Variants in RAP2B observed in about 807,000 individuals in gnomAD.
The protein encoded by RAP2B is RAP2B, member of RAS oncogene family, also known as ras-related protein Rap-2b.
A neutral mutation model predicts 14.4 loss-of-function variants in RAP2B; 6 were observed. The ratio of observed to expected loss-of-function variants is 0.42; its 90% CI spans 0.23 to 0.82. The LOEUF (loss-of-function observed/expected upper bound fraction) is 0.82, where lower values mean the gene tolerates loss of function less well. Among genes scored for constraint, RAP2B ranks in the 40% least tolerant of loss-of-function variants. The pLI is 0.30. For missense variants in RAP2B, 137 were observed against 248.2 expected (o/e 0.55, Z 3.01); for synonymous variants, 118 against 113.2 (o/e 1.04, Z -0.27).
rs1471454257 is a variant in RAP2B at position 153,166,882 on chromosome 3, TGGGTCATATTCTAGTATTTCTCACAG to T, written c.*3641_*3666del. On this transcript the variant is annotated 3_prime_UTR_variant, in exon 1 of 1. Coordinates refer to ENST00000323534, the MANE Select transcript of RAP2B (RefSeq NM_002886.4). Reference sequence around the variant, plus strand: ...GTAGTTTTGTTATTGTACCCTCTTTTGGGTCATATTCTAGTATTTCTCACAGGGGGTATGAGAAACAGAAAGCTATA... The same window carrying T: ...GTAGTTTTGTTATTGTACCCTCTTTTGGGGTATGAGAAACAGAAAGCTATA... 6.0e-6 allele frequency: 1 copy of T among 166,992 alleles called. No individual in the cohort carries two copies. Among genetic ancestry groups the T allele is most frequent in the African/African-American group, 2.4e-5 (1 of 41,464 alleles). 10.3% of individuals were successfully genotyped at this position (166,992 alleles called of 1,614,324 possible).
rs754258218 is a variant in RAP2B, at chr3:153,163,134, C to T, written c.441C>T (p.Ala147=). The T allele has an allele frequency of 2.5e-6, 4 of 1,613,182 alleles. No homozygotes were observed. The highest frequency in any genetic ancestry group is 3.4e-6 in the Non-Finnish European group (4 of 1,179,908). ...GCTGCCCCTTCATGGAGACGTCGGCCAAAAACAAAGCCTCGGTAGACGAGC... is the reference window on the plus strand; with the variant it reads ...GCTGCCCCTTCATGGAGACGTCGGCTAAAAACAAAGCCTCGGTAGACGAGC... ...EWSCPFMETS[A]KNKASVDELF... The change falls in exon 1 of 1, where the codon GCC becomes GCT. Residue 147 remains alanine (A), a synonymous_variant. Transcript: ENST00000323534.
Position 153,166,079 on chromosome 3 carries a change from C to T in RAP2B, c.*2834C>T, listed in dbSNP as rs1002665167. On this transcript the variant is annotated 3_prime_UTR_variant, in exon 1 of 1. Transcript: ENST00000323534. ...TTGCTGGGTGCGTTAATCACCTCCG[C>T]CCAGGATTTAGTCACTTGCAGGACC... is the stretch of plus-strand genomic sequence containing the variant. 4.8e-5 allele frequency: 8 copies of T among 166,918 alleles called. No individual in the cohort carries two copies. The highest frequency in any genetic ancestry group is 1.9e-4 in the African/African-American group (8 of 41,404). The allele number at this position is 166,918 out of a possible 1,614,324, so 10.3% of individuals were successfully genotyped here. A position where few individuals can be genotyped will look rare whatever the true frequency, so the allele number is the denominator to read the frequency against.
At position 153,166,826 on chromosome 3, in the gene RAP2B, C is replaced by A. The variant is rs1276866269; in HGVS notation, c.*3581C>A. On this transcript the variant is annotated 3_prime_UTR_variant, in exon 1 of 1. Coordinates refer to ENST00000323534, the MANE Select transcript of RAP2B (RefSeq NM_002886.4). The stretch of plus-strand genomic sequence containing the variant: ...GTAATATTTCCTGTGGTTGGGAATC[C>A]TAGAATGCCTGATCTATTTTATCTG... 1 of 166,434 alleles carries A rather than the reference C, an allele frequency of 6.0e-6. No homozygotes were observed. Among genetic ancestry groups the A allele is most frequent in the African/African-American group, 2.4e-5 (1 of 41,372 alleles). 10.3% of individuals were successfully genotyped at this position (166,434 alleles called of 1,614,324 possible).
chr3:153,167,746 A>T lies in RAP2B; in HGVS notation c.*4501A>T, dbSNP rs1265998755. The T allele has an allele frequency of 2.4e-5, 4 of 167,046 alleles. No homozygotes were observed. Among genetic ancestry groups the T allele is most frequent in the African/African-American group, 9.6e-5 (4 of 41,464 alleles). The allele number at this position is 167,046 out of a possible 1,614,324, so 10.3% of individuals were successfully genotyped here. On this transcript the variant is annotated 3_prime_UTR_variant, in exon 1 of 1. Transcript: ENST00000323534. ...TTCACATTATTACAGGAACATTTTG[A>T]CTATGGTTTTCAATGTTAATTCAGA...
rs1178189713 is a variant in RAP2B at position 153,165,406 on chromosome 3, C to G, written c.*2161C>G. 6.0e-6 allele frequency: 1 copy of G among 166,266 alleles called. No individual in the cohort carries two copies. Among genetic ancestry groups the G allele is most frequent in the Non-Finnish European group, 1.5e-5 (1 of 68,106 alleles). 10.3% of individuals were successfully genotyped at this position (166,266 alleles called of 1,614,324 possible). The stretch of plus-strand genomic sequence containing the variant: ...TATTTTTTATTTTTCTTAAGGTGGT[C>G]TTAGTAATATAACATGTTCATACAT... On this transcript the variant is annotated 3_prime_UTR_variant, in exon 1 of 1. Coordinates refer to ENST00000323534, the MANE Select transcript of RAP2B (RefSeq NM_002886.4).
chr3:153,162,569 T>C lies in RAP2B; in HGVS notation c.-125T>C. The stretch of plus-strand genomic sequence containing the variant: ...TTCCGCCCTGCGTTCTCTGGGTTGC[T>C]CTCTCCTGGGTTTTTCCTGCGTAGC... On this transcript the variant is annotated 5_prime_UTR_variant, in exon 1 of 1. Coordinates refer to ENST00000323534, the MANE Select transcript of RAP2B (RefSeq NM_002886.4). This position sits in a 1 kb window ranked among gnomAD's most constrained non-coding sequence, Gnocchi z 4.9. 1 of 1,198,052 alleles carries C rather than the reference T, an allele frequency of 8.3e-7. No homozygotes were observed. Among genetic ancestry groups the C allele is most frequent in the Non-Finnish European group, 1.1e-6 (1 of 885,136 alleles). The allele number at this position is 1,198,052 out of a possible 1,614,324, so 74.2% of individuals were successfully genotyped here. A position where few individuals can be genotyped will look rare whatever the true frequency, so the allele number is the denominator to read the frequency against.
At position 153,169,917 on chromosome 3, in the gene RAP2B, A is replaced by G. The variant is rs1030332806; in HGVS notation, c.*6672A>G. On this transcript the variant is annotated 3_prime_UTR_variant, in exon 1 of 1. Transcript: ENST00000323534. ...AGGAGTGACAATTTCTAAAGCCTTA[A>G]TTAGTGAAATGGTTTGTTTTGAGAA... is the stretch of plus-strand genomic sequence containing the variant. 6.6e-6 allele frequency: 1 copy of G among 152,228 alleles called. No homozygotes were observed. Among genetic ancestry groups the G allele is most frequent in the African/African-American group, 2.4e-5 (1 of 41,458 alleles). 9.4% of individuals were successfully genotyped at this position (152,228 alleles called of 1,614,324 possible).
rs540036301 is a variant in RAP2B at position 153,167,993 on chromosome 3, A to C, written c.*4748A>C. 1.3e-4 allele frequency: 21 copies of C among 167,094 alleles called. No individual in the cohort carries two copies. In the South Asian group the frequency reaches 3.9e-3, roughly 31 times the overall value. The allele number at this position is 167,094 out of a possible 1,614,324, so 10.4% of individuals were successfully genotyped here. A position where few individuals can be genotyped will look rare whatever the true frequency, so the allele number is the denominator to read the frequency against. On this transcript the variant is annotated 3_prime_UTR_variant, in exon 1 of 1. Coordinates refer to ENST00000323534, the MANE Select transcript of RAP2B (RefSeq NM_002886.4). ...ATTGTGCCAGAGAATTTAAATCTTCATATCATGGTAAGCACATGCGTATGT... is the reference window on the plus strand; with the variant it reads ...ATTGTGCCAGAGAATTTAAATCTTCCTATCATGGTAAGCACATGCGTATGT...
rs562450734 is a variant in RAP2B, at chr3:153,168,709, T to C, written c.*5464T>C. On this transcript the variant is annotated 3_prime_UTR_variant, in exon 1 of 1. Transcript: ENST00000323534. ...TTGGAGCTATGTCTTCCATTCCAAC[T>C]ATACAGAAATAAACTTTTTTAAAGT... The C allele has an allele frequency of 6.6e-6, 1 of 152,222 alleles. No individual in the cohort carries two copies. The highest frequency in any genetic ancestry group is 1.5e-5 in the Non-Finnish European group (1 of 68,038). 9.4% of individuals were successfully genotyped at this position (152,222 alleles called of 1,614,324 possible).
At position 153,163,271 on chromosome 3, in the gene RAP2B, T is replaced by A; in HGVS notation, c.*26T>A. 1 of 1,504,878 alleles carries A rather than the reference T, an allele frequency of 6.6e-7. No homozygotes were observed. Among genetic ancestry groups the A allele is most frequent in the Non-Finnish European group, 8.8e-7 (1 of 1,130,098 alleles). The allele number at this position is 1,504,878 out of a possible 1,614,324, so 93.2% of individuals were successfully genotyped here. On this transcript the variant is annotated 3_prime_UTR_variant, in exon 1 of 1. Transcript: ENST00000323534. ...GGCGGCCACCGCGCGCCGGCCGCGC[T>A]CTGCGCACAAAAGCCAAACGCATCC...
chr3:153,167,236 T>C lies in RAP2B; in HGVS notation c.*3991T>C, dbSNP rs1290292238. The C allele has an allele frequency of 6.0e-6, 1 of 167,120 alleles. No homozygotes were observed. Among genetic ancestry groups the C allele is most frequent in the Non-Finnish European group, 1.5e-5 (1 of 68,122 alleles). 10.4% of individuals were successfully genotyped at this position (167,120 alleles called of 1,614,324 possible). A position where few individuals can be genotyped will look rare whatever the true frequency, so the allele number is the denominator to read the frequency against. ...TTAGGAATGATTCAGTGCATTTAAC[T>C]GAACACAGAGCTAGTTCTAGGTGAG... On this transcript the variant is annotated 3_prime_UTR_variant, in exon 1 of 1. Transcript: ENST00000323534.
chr3:153,162,757 C>T lies in RAP2B; in HGVS notation c.64C>T (p.Gln22Ter), dbSNP rs759859100. Residue 22 changes from glutamine to a stop codon, truncating the protein, a stop_gained, in exon 1 of 1, where the codon CAG becomes TAG. Coordinates refer to ENST00000323534, the MANE Select transcript of RAP2B (RefSeq NM_002886.4). LOFTEE classifies it high-confidence loss of function. This position sits in a 1 kb window ranked among gnomAD's most constrained non-coding sequence, Gnocchi z 4.9. Reference protein sequence around the residue: ...GGVGKSALTVQFVTGSFIEKY... With the variant: ...GGVGKSALTV ...CGTGGGCAAGTCCGCGCTCACCGTG[C>T]AGTTCGTGACGGGCTCCTTCATCGA... 1.9e-6 allele frequency: 3 copies of T among 1,614,046 alleles called. No individual in the cohort carries two copies. Among genetic ancestry groups the T allele is most frequent in the South Asian group, 2.2e-5 (2 of 91,092 alleles).
At position 153,163,742 on chromosome 3, in the gene RAP2B, G is replaced by A. The variant is rs554762282; in HGVS notation, c.*497G>A. On this transcript the variant is annotated 3_prime_UTR_variant, in exon 1 of 1. Coordinates refer to ENST00000323534, the MANE Select transcript of RAP2B (RefSeq NM_002886.4). ...TAAATACATGGAAGGAAGTCCGGGA[G>A]AACCATATGAAGGAGCAGGAGGAGA... 6.3e-6 allele frequency: 1 copy of A among 157,772 alleles called. No individual in the cohort carries two copies. The highest frequency in any genetic ancestry group is 2.2e-4 in the South Asian group (1 of 4,632). 9.8% of individuals were successfully genotyped at this position (157,772 alleles called of 1,614,324 possible).
rs1222393589 is a variant in RAP2B, at chr3:153,163,148, C to T, written c.455C>T (p.Ser152Leu). The T allele has an allele frequency of 1.9e-6, 3 of 1,612,128 alleles. No individual in the cohort carries two copies. The highest frequency in any genetic ancestry group is 8.5e-7 in the Non-Finnish European group (1 of 1,179,546). Residue 152 changes from serine (S) to leucine (L), a missense_variant, in exon 1 of 1, where the codon TCG becomes TTG. This residue lies in a region of RAP2B where 106 missense variants were observed against 143.5 expected (regional missense o/e 0.74). Transcript: ENST00000323534. ...FMETSAKNKASVDELFAEIVR... is the reference protein window; with the variant it reads ...FMETSAKNKALVDELFAEIVR... Reference sequence around the variant, plus strand: ...GAGACGTCGGCCAAAAACAAAGCCTCGGTAGACGAGCTATTTGCCGAGATC... The same window carrying T: ...GAGACGTCGGCCAAAAACAAAGCCTTGGTAGACGAGCTATTTGCCGAGATC...
rs893790078 is a variant in RAP2B, at chr3:153,167,634, T to G, written c.*4389T>G. On this transcript the variant is annotated 3_prime_UTR_variant, in exon 1 of 1. Coordinates refer to ENST00000323534, the MANE Select transcript of RAP2B (RefSeq NM_002886.4). ...TTAGAGAATAATCTCTATTGAAATC[T>G]AAGCTAAAGAGGACATATACCATTT... The G allele has an allele frequency of 6.0e-6, 1 of 167,078 alleles. No individual in the cohort carries two copies. The highest frequency in any genetic ancestry group is 2.4e-5 in the African/African-American group (1 of 41,470). The allele number at this position is 167,078 out of a possible 1,614,324, so 10.3% of individuals were successfully genotyped here.
In RAP2B at chr3:153,166,914, A is replaced by G. The variant is rs1177474294; in HGVS notation, c.*3669A>G. On this transcript the variant is annotated 3_prime_UTR_variant, in exon 1 of 1. Transcript: ENST00000323534. The stretch of plus-strand genomic sequence containing the variant: ...TATTCTAGTATTTCTCACAGGGGGT[A>G]TGAGAAACAGAAAGCTATATGTAGC... The G allele has an allele frequency of 4.2e-5, 7 of 166,964 alleles. No individual in the cohort carries two copies. The highest frequency in any genetic ancestry group is 1.7e-4 in the African/African-American group (7 of 41,450). The allele number at this position is 166,964 out of a possible 1,614,324, so 10.3% of individuals were successfully genotyped here. A position where few individuals can be genotyped will look rare whatever the true frequency, so the allele number is the denominator to read the frequency against.
At position 153,167,858 on chromosome 3, in the gene RAP2B, A is replaced by G. The variant is rs974915685; in HGVS notation, c.*4613A>G. ...ATTCCCCTTCTCCCCAACCTAGGGG[A>G]AAAAAAATTTGAAAAGTATGTCTTC... is the stretch of plus-strand genomic sequence containing the variant. On this transcript the variant is annotated 3_prime_UTR_variant, in exon 1 of 1. Transcript: ENST00000323534. The G allele has an allele frequency of 3.0e-5, 5 of 166,650 alleles. No individual in the cohort carries two copies. The highest frequency in any genetic ancestry group is 4.8e-5 in the African/African-American group (2 of 41,430). The allele number at this position is 166,650 out of a possible 1,614,324, so 10.3% of individuals were successfully genotyped here.
rs369782613 is a variant in RAP2B, at chr3:153,165,606, CT to C, written c.*2373del. ...AATGTGTGTGTGTGTTTTTGCTTTG[CT>C]TTTTTTTTTTTGCCCAAGAGGCATC... On this transcript the variant is annotated 3_prime_UTR_variant, in exon 1 of 1. Coordinates refer to ENST00000323534, the MANE Select transcript of RAP2B (RefSeq NM_002886.4). 1,651 of 147,166 alleles carry C rather than the reference CT, an allele frequency of 0.011. No homozygotes were observed. The highest frequency in any genetic ancestry group is 3.6e-3 in the Middle Eastern group (1 of 278). 9.1% of individuals were successfully genotyped at this position (147,166 alleles called of 1,614,324 possible).
rs1713666369 is a variant in RAP2B at position 153,169,356 on chromosome 3, C to T, written c.*6111C>T. 1 of 152,152 alleles carries T rather than the reference C, an allele frequency of 6.6e-6. No individual in the cohort carries two copies. The highest frequency in any genetic ancestry group is 2.1e-4 in the South Asian group (1 of 4,832). The allele number at this position is 152,152 out of a possible 1,614,324, so 9.4% of individuals were successfully genotyped here. On this transcript the variant is annotated 3_prime_UTR_variant, in exon 1 of 1. Coordinates refer to ENST00000323534, the MANE Select transcript of RAP2B (RefSeq NM_002886.4). ...TATTTTTCATAGAGACAGCATTTCA[C>T]CATACTGGCCAGGCTGGTCGTGAAC... is the stretch of plus-strand genomic sequence containing the variant.
Sources: allele counts gnomAD v4.1 joint callset, GRCh38; gene constraint gnomAD v4.1.1; regional missense constraint gnomAD v4.1.1; non-coding constraint Gnocchi (gnomAD v3.1); transcripts MANE v1.5; gene names NCBI Gene and HGNC (gene_info 2026-07-23, HGNC 2026-07-21).